Variants in AUH observed in about 807,000 individuals in gnomAD.
AUH encodes methylglutaconyl-CoA hydratase, mitochondrial.
AUH carries 29 observed loss-of-function variants against 42.3 expected under a neutral mutation model. The observed-to-expected ratio is 0.69, with a 90% confidence interval of 0.51 to 0.93. The LOEUF (loss-of-function observed/expected upper bound fraction) is 0.93. AUH is among the 40% of genes least tolerant of loss of function. The probability of loss-of-function intolerance (pLI) is 0.00; values close to 1 mark genes in which losing one functional copy is unlikely to be tolerated. For missense variants in AUH, 452 were observed against 438.1 expected, an observed-to-expected ratio of 1.03 and a Z score of -0.28; for synonymous variants, 174 against 166.4, an observed-to-expected ratio of 1.05 and a Z score of -0.35.
At chr9:91,323,013 A>C (rs1042686839) in intron 4 of AUH, among the ~76,000 whole-genome samples, 4 of 152,230 alleles carry the variant, frequency 2.6e-5, no homozygotes, top group Admixed American at 2.0e-4. Flanking sequence ...AAACAGAAAT[A>C]ATCTCCTAAC....
chr9:91,217,788 C>T (rs771742165), intron 7 of AUH, among the ~76,000 whole-genome samples: 20 of 152,310 alleles, frequency 1.3e-4, no homozygotes, highest in Non-Finnish European at 2.4e-4. Context: ...TTCCTCCATT[C>T]GCCTTGACAA....
At chr9:91,231,350 G>A (rs2131290937) in intron 6 of AUH, among the ~76,000 whole-genome samples, 1 of 152,308 alleles carries the variant, frequency 6.6e-6, no homozygotes, top group South Asian at 2.1e-4. Context: ...TCTTTGATTA[G>A]GAAAGGCAAC....
At chr9:91,217,121 G>A (rs979730227) in intron 8 of AUH, among the ~76,000 whole-genome samples, 156 bp downstream of exon 8, 1 of 152,086 alleles carries the variant, frequency 6.6e-6, no homozygotes, top group Non-Finnish European at 1.5e-5. Flanking sequence ...AATAAATGAC[G>A]TACTTGCAAG....
intron 6 of AUH, among the ~76,000 whole-genome samples, chr9:91,240,143 A>G (rs180963510): frequency 1.2e-3 from 183 of 152,324 alleles, no homozygotes; most frequent in Non-Finnish European, 1.8e-3. Flanking sequence ...ATACATTGTG[A>G]TATCTTTTTA....
intron 7 of AUH, among the ~76,000 whole-genome samples, chr9:91,219,144 G>A (rs962026428): frequency 1.3e-5 from 2 of 152,162 alleles, no homozygotes; most frequent in Admixed American, 6.5e-5. Flanking sequence ...CAGGCGGGGC[G>A]GTGTGTGGAC....
chr9:91,291,577 A>G (rs1826891269), intron 6 of AUH, among the ~76,000 whole-genome samples: 1 of 152,248 alleles, frequency 6.6e-6, no homozygotes, highest in African/African-American at 2.4e-5. Context: ...TAGAGTAAGT[A>G]TATATTAAAT....
chr9:91,236,481 A>G (rs1272581404), intron 6 of AUH, among the ~76,000 whole-genome samples: 1 of 152,234 alleles, frequency 6.6e-6, no homozygotes, highest in Non-Finnish European at 1.5e-5. Context: ...GATTATCACA[A>G]AGAACCATGA....
At chr9:91,292,273 CT>C (rs1017680283) in intron 6 of AUH, among the ~76,000 whole-genome samples, 4,381 of 130,942 alleles carry the variant, frequency 0.033, 80 homozygotes, top group East Asian at 0.1. Context: ...TGGGAACCCT[CT>C]TTTTTTTTTT....
At chr9:91,286,990 T>C (rs1238792786) in intron 6 of AUH, among the ~76,000 whole-genome samples, 1 of 151,978 alleles carries the variant, frequency 6.6e-6, no homozygotes, top group Admixed American at 6.6e-5. Context: ...ACATGCTAAT[T>C]AGCTTAATTT....
chr9:91,335,743 C>G (rs1399466055), intron 3 of AUH, among the ~76,000 whole-genome samples: 1 of 152,072 alleles, frequency 6.6e-6, no homozygotes, highest in African/African-American at 2.4e-5. Flanking sequence ...CATTAAGATT[C>G]ATTTGCTGAG....
rs546915034 is a variant in AUH at position 91,242,563 on chromosome 9, C to A, written c.656-21571G>T. Among the ~76,000 whole-genome samples, 7 of 152,264 alleles carry A rather than the reference C, an allele frequency of 4.6e-5. 1 individual carries two copies. Among genetic ancestry groups the A allele is most frequent in the African/African-American group, 2.4e-5 (1 of 41,562 alleles). Reference sequence around the variant, plus strand: ...AAAGCTCAACACATGAAAAACACACCGTACTTGCCAACCACAGTCAGAAGT... The same window carrying A: ...AAAGCTCAACACATGAAAAACACACAGTACTTGCCAACCACAGTCAGAAGT... On this transcript the variant is annotated intron_variant, in intron 6 of 9. Transcript: ENST00000375731.
intron 6 of AUH, among the ~76,000 whole-genome samples, chr9:91,282,720 G>A (rs943605472): frequency 2.0e-5 from 3 of 152,070 alleles, no homozygotes; most frequent in African/African-American, 7.2e-5. Flanking sequence ...AGAAGAAATG[G>A]ATAAATTCCT....
In AUH at chr9:91,306,369, C is replaced by T. The variant is rs1361492672; in HGVS notation, c.506-8293G>A. The stretch of plus-strand genomic sequence containing the variant: ...ATGACTTCTGTTGATTGCTGTTCCA[C>T]ATTTAACAAAACTCTTGGCATTTAA... On this transcript the variant is annotated intron_variant, in intron 4 of 9. Coordinates refer to ENST00000375731, the MANE Select transcript of AUH (RefSeq NM_001698.3). 4 of 985,280 alleles carry T rather than the reference C, an allele frequency of 4.1e-6. No homozygotes were observed. The East Asian group carries it at 3.4e-4, about 84-fold the overall frequency. 61.0% of individuals were successfully genotyped at this position (985,280 alleles called of 1,614,324 possible).
chr9:91,260,818 CT>C (rs1409057426), intron 6 of AUH, among the ~76,000 whole-genome samples: 1 of 152,076 alleles, frequency 6.6e-6, no homozygotes, highest in Non-Finnish European at 1.5e-5. Flanking sequence ...GTTTTTAGGT[CT>C]TTTTTCTTTG....
chr9:91,357,528 C>T, intron 1 of AUH: 9 of 948,988 alleles, frequency 9.5e-6, no homozygotes, highest in Non-Finnish European at 8.8e-6. Flanking sequence ...GAGGGAAATA[C>T]AAACATTAAT....
chr9:91,307,071 A>G (rs139607705), intron 4 of AUH, among the ~76,000 whole-genome samples: 1 of 152,308 alleles, frequency 6.6e-6, no homozygotes, highest in East Asian at 1.9e-4. Context: ...TTGCCTGAGG[A>G]TAAGTTGAGG....
intron 6 of AUH, among the ~76,000 whole-genome samples, chr9:91,238,528 A>G (rs906403216): frequency 6.6e-6 from 1 of 152,234 alleles, no homozygotes; most frequent in East Asian, 1.9e-4. Context: ...GAAAATGGGT[A>G]GGCAATTAGC....
At chr9:91,332,192 C>T (rs568125210) in intron 3 of AUH, among the ~76,000 whole-genome samples, 1 of 152,262 alleles carries the variant, frequency 6.6e-6, no homozygotes, top group East Asian at 1.9e-4. Context: ...CAAAATCATC[C>T]GCATTAAAAC....
At chr9:91,311,626 T>C (rs1384749418) in intron 4 of AUH, among the ~76,000 whole-genome samples, 1 of 152,220 alleles carries the variant, frequency 6.6e-6, no homozygotes, top group African/African-American at 2.4e-5. Flanking sequence ...TGAAATATCA[T>C]CTAATTTAAA....
Sources: gnomAD v4.1 joint callset for allele counts (sites outside exome capture counted in the v4.1 genomes callset) on GRCh38, gnomAD v4.1.1 for gene constraint, MANE v1.5 for transcripts, NCBI Gene and HGNC (gene_info 2026-07-23, HGNC 2026-07-21) for gene names.